Variants in ACACA observed in about 807,000 individuals in gnomAD.
The protein encoded by ACACA is acetyl-CoA carboxylase alpha, also known as acetyl-CoA carboxylase 1.
A neutral mutation model predicts 296.1 loss-of-function variants in ACACA; 103 were observed. That is an observed-to-expected ratio of 0.35 (90% CI 0.30 to 0.41). ACACA has a LOEUF of 0.41. Among genes scored for constraint, ACACA ranks in the 10% least tolerant of loss-of-function variants. The probability of loss-of-function intolerance (pLI) is 1.00; values close to 1 mark genes in which losing one functional copy is unlikely to be tolerated. For synonymous variants in ACACA, 953 were observed against 1,038.6 expected (o/e 0.92, Z 1.58); for missense variants, 1,554 against 2,989.7 (o/e 0.52, Z 11.20).
At position 37,097,302 on chromosome 17, in the gene ACACA, A is replaced by G; in HGVS notation, c.6721-136T>C. ...ACCCAAGAGCTGGCTGTAAACTCCT[A>G]GCACTTCCAGATGTCCCCCAGGGCA... On this transcript the variant is annotated intron_variant, in intron 53 of 55. Coordinates refer to ENST00000616317, the MANE Select transcript of ACACA (RefSeq NM_198834.3). This position sits in a 1 kb window ranked among gnomAD's most constrained non-coding sequence, Gnocchi z 4.8. 1 of 990,798 alleles carries G rather than the reference A, an allele frequency of 1.0e-6. No individual in the cohort carries two copies. Among genetic ancestry groups the G allele is most frequent in the Non-Finnish European group, 1.5e-6 (1 of 651,628 alleles). 61.4% of individuals were successfully genotyped at this position (990,798 alleles called of 1,614,324 possible). A position where few individuals can be genotyped will look rare whatever the true frequency, so the allele number is the denominator to read the frequency against.
At chr17:37,280,730 A>AACACACAT (rs1555627668) in intron 5 of ACACA, among the ~76,000 whole-genome samples, 5 of 146,374 alleles carry the variant, frequency 3.4e-5, no homozygotes, top group Non-Finnish European at 7.5e-5. Flanking sequence ...TTACATAGTT[A>AACACACAT]ACACACACAC....
chr17:37,266,818 A>G (rs545910726), intron 10 of ACACA, among the ~76,000 whole-genome samples: 39 of 152,356 alleles, frequency 2.6e-4, no homozygotes, highest in Non-Finnish European at 1.3e-4. Flanking sequence ...CCATGACTTC[A>G]TTAAATATAT....
chr17:37,312,414 C>G (rs1363879560), intron 3 of ACACA, among the ~76,000 whole-genome samples: 1 of 152,170 alleles, frequency 6.6e-6, no homozygotes, highest in Non-Finnish European at 1.5e-5. Context: ...TACATAATCT[C>G]TCTGAGCCTG....
intron 41 of ACACA, among the ~76,000 whole-genome samples, chr17:37,176,809 C>A (rs1164664780): frequency 6.6e-6 from 1 of 152,176 alleles, no homozygotes; most frequent in Non-Finnish European, 1.5e-5. Flanking sequence ...AACACCCCAA[C>A]CTCATTCCTG....
In ACACA at chr17:37,228,887, T is replaced by C. The variant is rs2079684413; in HGVS notation, c.3247-2435A>G. On this transcript the variant is annotated intron_variant, in intron 25 of 55. Coordinates refer to ENST00000616317, the MANE Select transcript of ACACA (RefSeq NM_198834.3). ...GGCCAGGCGCGGTGGCTCACGCCTG[T>C]AATCCCAGCACTTTGGGAGGCCGAG... is the stretch of plus-strand genomic sequence containing the variant. 1.3e-5 allele frequency among the ~76,000 whole-genome samples: 2 copies of C among 152,128 alleles called. 1 individual carries two copies. Among genetic ancestry groups the C allele is most frequent in the South Asian group, 4.1e-4 (2 of 4,828 alleles).
At chr17:37,189,220 CA>C (rs1263855752) in intron 38 of ACACA, among the ~76,000 whole-genome samples, 2 of 152,170 alleles carry the variant, frequency 1.3e-5, no homozygotes, top group African/African-American at 4.8e-5. Context: ...CATGCTAAAG[CA>C]AAACTTTTTT....
intron 1 of ACACA, among the ~76,000 whole-genome samples, chr17:37,342,074 T>C (rs1417812172): frequency 2.0e-5 from 3 of 152,120 alleles, no homozygotes; most frequent in Non-Finnish European, 4.4e-5. Context: ...TTCTTCATTA[T>C]ATAAAATTGT....
At chr17:37,233,827 T>C (rs1400238167) in intron 25 of ACACA, among the ~76,000 whole-genome samples, 3 of 152,232 alleles carry the variant, frequency 2.0e-5, no homozygotes, top group Admixed American at 1.3e-4. Context: ...TACTAACATA[T>C]ATATTTTTCC....
intron 3 of ACACA, among the ~76,000 whole-genome samples, chr17:37,292,143 C>T (rs193152878): frequency 1.7e-3 from 252 of 151,966 alleles, no homozygotes; most frequent in African/African-American, 5.9e-3. Flanking sequence ...GAGGGTGATA[C>T]GAGCATTTGT....
intron 1 of ACACA, among the ~76,000 whole-genome samples, chr17:37,378,333 A>C (rs1347730878): frequency 6.6e-6 from 1 of 152,204 alleles, no homozygotes; most frequent in African/African-American, 2.4e-5. Flanking sequence ...AAACTGAAGA[A>C]GTTAACTAAA....
chr17:37,168,868 T>C (rs1164547369), intron 41 of ACACA, among the ~76,000 whole-genome samples: 2 of 152,224 alleles, frequency 1.3e-5, no homozygotes, highest in Non-Finnish European at 2.9e-5. Context: ...GTTAAATACA[T>C]ATTTATATTT....
chr17:37,193,260 G>A, intron 36 of ACACA, 114 bp downstream of exon 36: 1 of 798,142 alleles, frequency 1.3e-6, no homozygotes. Context: ...GGAAGCACAA[G>A]TTCAATAAGA....
In ACACA at chr17:37,151,293, A is replaced by G; in HGVS notation, c.5568+8T>C. 1.9e-6 allele frequency: 3 copies of G among 1,613,952 alleles called. No homozygotes were observed. The highest frequency in any genetic ancestry group is 2.5e-6 in the Non-Finnish European group (3 of 1,179,992). ...TCTTCAAAAATTTCACATTCTGGAAAGATTTACCAGGCTGATGGTAATGAT... is the reference window on the plus strand; with the variant it reads ...TCTTCAAAAATTTCACATTCTGGAAGGATTTACCAGGCTGATGGTAATGAT... On this transcript the variant is annotated splice_region_variant and intron_variant, in intron 44 of 55. Transcript: ENST00000616317.
At chr17:37,385,380 C>A (rs1714625) in intron 1 of ACACA, among the ~76,000 whole-genome samples, 8 of 151,760 alleles carry the variant, frequency 5.3e-5, no homozygotes, top group African/African-American at 1.9e-4. Context: ...GGCTGAGGCA[C>A]GAGAATCATT....
intron 54 of ACACA, among the ~76,000 whole-genome samples, chr17:37,094,457 C>T (rs1050465682): frequency 6.6e-5 from 10 of 152,058 alleles, no homozygotes; most frequent in African/African-American, 2.2e-4. Context: ...TTACCAGTAA[C>T]CAACCACAAT....
intron 15 of ACACA, among the ~76,000 whole-genome samples, chr17:37,252,416 G>A (rs763813729): frequency 1.3e-5 from 2 of 152,104 alleles, no homozygotes; most frequent in Non-Finnish European, 2.9e-5. Flanking sequence ...CAACGATTTG[G>A]CTACTGATAA....
chr17:37,217,744 A>G (rs1442492974), intron 29 of ACACA, among the ~76,000 whole-genome samples: 2 of 139,156 alleles, frequency 1.4e-5, no homozygotes, highest in African/African-American at 5.7e-5. Context: ...CAAAAAAAAA[A>G]AAAAAAAAAA....
At chr17:37,302,334 C>T (rs1332390043) in intron 3 of ACACA, among the ~76,000 whole-genome samples, 7 of 152,020 alleles carry the variant, frequency 4.6e-5, no homozygotes, top group Non-Finnish European at 1.0e-4. Flanking sequence ...CTCAGCCTCC[C>T]GAGTAGCTGG....
chr17:37,395,842 C>G (rs1274516739), intron 1 of ACACA, among the ~76,000 whole-genome samples: 1 of 152,240 alleles, frequency 6.6e-6, no homozygotes, highest in Non-Finnish European at 1.5e-5. Context: ...CGCGCCTAGG[C>G]TGTTCCACCT....
Sources: allele counts gnomAD v4.1 joint callset (sites outside exome capture counted in the v4.1 genomes callset), GRCh38; gene constraint gnomAD v4.1.1; non-coding constraint Gnocchi (gnomAD v3.1); transcripts MANE v1.5; gene names NCBI Gene and HGNC (gene_info 2026-07-23, HGNC 2026-07-21).